Variants in COG5 observed in about 807,000 individuals in gnomAD.
COG5 encodes the protein conserved oligomeric Golgi complex subunit 5.
Under a neutral mutation model 110.4 loss-of-function variants are expected in COG5, and 86 were observed. The observed-to-expected ratio is 0.78, with a 90% CI of 0.65 to 0.93. The LOEUF (loss-of-function observed/expected upper bound fraction) is 0.93. COG5 is among the 40% of genes least tolerant of loss of function. The pLI is 0.00. For missense variants in COG5, 1,077 were observed against 987.0 expected, an observed-to-expected ratio of 1.09 and a Z score of -1.22; for synonymous variants, 360 against 334.6, an observed-to-expected ratio of 1.08 and a Z score of -0.83.
At chr7:107,323,514 G>C (rs1409804156) in intron 11 of COG5, among the ~76,000 whole-genome samples, 1 of 152,210 alleles carries the variant, frequency 6.6e-6, no homozygotes, top group African/African-American at 2.4e-5. Flanking sequence ...CTGGGTGACA[G>C]AGCAAGACTC....
intron 6 of COG5, among the ~76,000 whole-genome samples, chr7:107,526,327 C>T (rs1207730805): frequency 6.6e-6 from 1 of 152,136 alleles, no homozygotes. Flanking sequence ...AAGTGTTGGG[C>T]AGTTCTATGT....
At chr7:107,363,955 CA>C (rs34287367) in intron 8 of COG5, among the ~76,000 whole-genome samples, 8,286 of 108,816 alleles carry the variant, frequency 0.076, 656 homozygotes, top group African/African-American at 0.23. Flanking sequence ...AACTCCATCT[CA>C]AAAAAAAAAA....
At chr7:107,236,381 C>T (rs1801192950) in intron 18 of COG5, 69 bp downstream of exon 18, 1 of 1,127,234 alleles carries the variant, frequency 8.9e-7, no homozygotes, top group East Asian at 2.3e-5. Flanking sequence ...GATGAAAACA[C>T]ATTCTTTCAT....
intron 6 of COG5, among the ~76,000 whole-genome samples, chr7:107,468,938 G>C (rs149146925): frequency 0.015 from 2,246 of 150,692 alleles, 57 homozygotes; most frequent in African/African-American, 0.053. Context: ...TTAAAAACAG[G>C]AACTTATTTA....
intron 6 of COG5, among the ~76,000 whole-genome samples, chr7:107,519,125 A>C (rs1031891787): frequency 2.0e-5 from 3 of 152,238 alleles, no homozygotes; most frequent in Non-Finnish European, 4.4e-5. Context: ...ACAACATACC[A>C]GAATCTCTGG....
intron 19 of COG5, among the ~76,000 whole-genome samples, chr7:107,216,315 T>C (rs1421940990): frequency 3.9e-5 from 6 of 152,228 alleles, no homozygotes; most frequent in Non-Finnish European, 5.9e-5. Flanking sequence ...GGGACTTCAA[T>C]ACCTCACTTT....
At chr7:107,554,176 A>G in intron 3 of COG5, 109 bp downstream of exon 3, 1 of 871,936 alleles carries the variant, frequency 1.1e-6, no homozygotes, top group Admixed American at 1.9e-5. Context: ...TGCAACAGAG[A>G]CTGTATGGCT....
At chr7:107,466,103 T>C (rs1424174681) in intron 6 of COG5, among the ~76,000 whole-genome samples, 2 of 152,148 alleles carry the variant, frequency 1.3e-5, no homozygotes, top group South Asian at 2.1e-4. Flanking sequence ...AGCACAAACA[T>C]GGCTATTTGT....
intron 12 of COG5, among the ~76,000 whole-genome samples, chr7:107,287,268 T>G (rs1286361460): frequency 6.6e-6 from 1 of 152,194 alleles, no homozygotes; most frequent in Non-Finnish European, 1.5e-5. Flanking sequence ...GCTTGTGAGA[T>G]AGTGTGTCAG....
intron 7 of COG5, among the ~76,000 whole-genome samples, chr7:107,374,152 G>A (rs566459874): frequency 1.7e-4 from 26 of 152,090 alleles, no homozygotes; most frequent in East Asian, 3.9e-4. Context: ...CTCTATTAAC[G>A]TATGCCAACA....
Position 107,474,031 on chromosome 7 carries a change from C to G in COG5, c.538+53206G>C. The G allele has an allele frequency of 1.7e-6, 2 of 1,175,426 alleles. No individual in the cohort carries two copies. 72.8% of individuals were successfully genotyped at this position (1,175,426 alleles called of 1,614,324 possible). ...CAAATAGTTTATTCTATTTCACTTT[C>G]TAGGGAAAAAAACCAACTGCTCCAA... On this transcript the variant is annotated intron_variant, in intron 6 of 21. Coordinates refer to ENST00000297135, the MANE Select transcript of COG5 (RefSeq NM_006348.5). This position sits in a 1 kb window ranked among gnomAD's most constrained non-coding sequence, Gnocchi z 5.7.
intron 7 of COG5, among the ~76,000 whole-genome samples, chr7:107,381,154 A>C (rs879363022): frequency 3.3e-5 from 5 of 152,220 alleles, no homozygotes; most frequent in Admixed American, 6.5e-5. Flanking sequence ...TTGACAAAAT[A>C]AAATCGTTTA....
chr7:107,313,464 C>T (rs1464662664), intron 11 of COG5, among the ~76,000 whole-genome samples: 1 of 152,132 alleles, frequency 6.6e-6, no homozygotes, highest in East Asian at 1.9e-4. Context: ...TCTGACAGTA[C>T]CTAATAAGCT....
chr7:107,264,869 G>T (rs553351494), intron 14 of COG5, among the ~76,000 whole-genome samples: 105 of 152,202 alleles, frequency 6.9e-4, no homozygotes, highest in African/African-American at 2.5e-3. Context: ...AACAAACAAT[G>T]AAAGGAGCTA....
rs1792370119 is a variant in COG5, at chr7:107,412,443, A to T, written c.669+59T>A. On this transcript the variant is annotated intron_variant, in intron 7 of 21. Coordinates refer to ENST00000297135, the MANE Select transcript of COG5 (RefSeq NM_006348.5). ...TATTACTTTTTTGAACTCAAAGTCA[A>T]ATGTTCACCTGTATTATGACACATT... The T allele has an allele frequency of 5.2e-6, 8 of 1,541,638 alleles. No individual in the cohort carries two copies. In the South Asian group the frequency reaches 9.0e-5, roughly 17 times the overall value.
intron 7 of COG5, among the ~76,000 whole-genome samples, chr7:107,405,715 T>C (rs1220097008): frequency 6.6e-6 from 1 of 152,242 alleles, no homozygotes; most frequent in Admixed American, 6.5e-5. Flanking sequence ...TGTTTGTGTC[T>C]TTCCTCCTCA....
At chr7:107,488,558 T>G (rs891929165) in intron 6 of COG5, among the ~76,000 whole-genome samples, 2 of 152,140 alleles carry the variant, frequency 1.3e-5, no homozygotes, top group Admixed American at 6.6e-5. Context: ...GCCAAAAGAA[T>G]AATAGGCTGG....
intron 19 of COG5, among the ~76,000 whole-genome samples, chr7:107,228,847 A>G (rs1800558142): frequency 6.6e-6 from 1 of 151,948 alleles, no homozygotes; most frequent in Non-Finnish European, 1.5e-5. Context: ...CTCAATCAAC[A>G]ATATTGGATT....
chr7:107,346,940 T>G (rs371683727), intron 10 of COG5, among the ~76,000 whole-genome samples: 2 of 152,136 alleles, frequency 1.3e-5, no homozygotes, highest in East Asian at 3.8e-4. Context: ...GTAAAACCGT[T>G]TAAATATTCA....
Sources: allele counts gnomAD v4.1 joint callset (sites outside exome capture counted in the v4.1 genomes callset), GRCh38; gene constraint gnomAD v4.1.1; non-coding constraint Gnocchi (gnomAD v3.1); transcripts MANE v1.5; gene names NCBI Gene and HGNC (gene_info 2026-07-23, HGNC 2026-07-21).